The following KCNIP2 variants were observed in gnomAD, a reference collection of about 807,000 sequenced individuals.
The protein encoded by KCNIP2 is potassium voltage-gated channel interacting protein 2.
In KCNIP2, 19 loss-of-function variants were observed where a neutral mutation model predicts 39.0. The ratio of observed to expected loss-of-function variants is 0.49; its 90% CI spans 0.34 to 0.71. KCNIP2 has a LOEUF of 0.71. KCNIP2 is among the 30% of genes least tolerant of loss of function. KCNIP2 has a pLI of 0.01. For missense variants in KCNIP2, 261 were observed against 346.0 expected, an observed-to-expected ratio of 0.75 and a Z score of 1.95; for synonymous variants, 111 against 131.2, an observed-to-expected ratio of 0.85 and a Z score of 1.05.
At chr10:101,840,186 C>T (rs1213895291) in intron 1 of KCNIP2, among the ~76,000 whole-genome samples, 1 of 151,988 alleles carries the variant, frequency 6.6e-6, no homozygotes, top group Non-Finnish European at 1.5e-5. Flanking sequence ...GGGAATGAAC[C>T]GTATCTTTTA....
chr10:101,830,038 G>A (rs746326473), intron 2 of KCNIP2, 141 bp from the exon 3 acceptor site: 89 of 947,732 alleles, frequency 9.4e-5, no homozygotes, highest in Non-Finnish European at 1.4e-4. Flanking sequence ...ACACGAAACG[G>A]ACCCCATGCA....
Position 101,829,877 on chromosome 10 carries a change from G to T in KCNIP2, c.190C>A (p.Leu64Ile). Residue 64 changes from leucine to isoleucine, a missense_variant, in exon 3 of 10, where the codon CTC (leucine) becomes ATC (isoleucine). Leu to Ile is a conservative substitution (Grantham distance 5). Transcript: ENST00000356640. ...VSETLAAPASLRPHRPRLLDP... is the reference protein window; with the variant it reads ...VSETLAAPASIRPHRPRLLDP... ...AGCAGGCGGGGTCTGTGGGGGCGGA[G>T]GGAGGCTGGGGCGGCTAATGCTGAA... 6.6e-7 allele frequency: 1 copy of T among 1,510,368 alleles called. No homozygotes were observed. The highest frequency in any genetic ancestry group is 8.8e-7 in the Non-Finnish European group (1 of 1,133,200). The allele number at this position is 1,510,368 out of a possible 1,614,324, so 93.6% of individuals were successfully genotyped here.
intron 1 of KCNIP2, among the ~76,000 whole-genome samples, chr10:101,832,670 T>G (rs775251667): frequency 1.5e-4 from 23 of 152,252 alleles, no homozygotes; most frequent in Non-Finnish European, 3.1e-4. Flanking sequence ...GGCCCAGGGC[T>G]CCATTAGCCT....
Position 101,828,896 on chromosome 10 carries a change from A to G in KCNIP2, c.348+179T>C. The G allele has an allele frequency of 6.5e-7, 1 of 1,532,876 alleles. No homozygotes were observed. Among genetic ancestry groups the G allele is most frequent in the Non-Finnish European group, 8.8e-7 (1 of 1,137,480 alleles). 95.0% of individuals were successfully genotyped at this position (1,532,876 alleles called of 1,614,324 possible). On this transcript the variant is annotated intron_variant, in intron 4 of 9. Transcript: ENST00000356640. This position sits in a 1 kb window ranked among gnomAD's most constrained non-coding sequence, Gnocchi z 6.6. Reference sequence around the variant, plus strand: ...AAACATGGAACGAAACTGACAGTCTACAGGCGCCACTTCCGTTCTGGCCCC... The same window carrying G: ...AAACATGGAACGAAACTGACAGTCTGCAGGCGCCACTTCCGTTCTGGCCCC...
intron 1 of KCNIP2, among the ~76,000 whole-genome samples, chr10:101,834,871 C>T (rs11191126): frequency 1.3e-5 from 2 of 152,266 alleles, no homozygotes; most frequent in East Asian, 3.9e-4. Context: ...GTGTATATTC[C>T]TGTGTTTGTC....
chr10:101,838,860 G>C lies in KCNIP2; in HGVS notation c.73+4636C>G, dbSNP rs142970391. On this transcript the variant is annotated intron_variant, in intron 1 of 9. Coordinates refer to ENST00000356640, the MANE Select transcript of KCNIP2 (RefSeq NM_173191.3). The surrounding 1 kb of genome is among the most constrained non-coding windows in gnomAD (Gnocchi z 4.0). ...CCACAGGACCAGGTTGTTTTGGTCTGTTTGAGGTCAGGTACAGAGGAGACG... is the reference window on the plus strand; with the variant it reads ...CCACAGGACCAGGTTGTTTTGGTCTCTTTGAGGTCAGGTACAGAGGAGACG... 2.6e-5 allele frequency among the ~76,000 whole-genome samples: 4 copies of C among 152,324 alleles called. No individual in the cohort carries two copies. Among genetic ancestry groups the C allele is most frequent in the African/African-American group, 9.6e-5 (4 of 41,570 alleles).
In KCNIP2 at chr10:101,843,589, C is replaced by T; in HGVS notation, c.-21G>A. ...CGCATGGCCCCCGGCGCCCCGCTCC[C>T]GCCCGGGCCGTGGGAGGGGGCGCCG... On this transcript the variant is annotated 5_prime_UTR_variant, in exon 1 of 10. Coordinates refer to ENST00000356640, the MANE Select transcript of KCNIP2 (RefSeq NM_173191.3). This position sits in a 1 kb window ranked among gnomAD's most constrained non-coding sequence, Gnocchi z 6.7. 4.2e-6 allele frequency: 6 copies of T among 1,445,046 alleles called. No homozygotes were observed. The highest frequency in any genetic ancestry group is 4.6e-6 in the Non-Finnish European group (5 of 1,096,796). The allele number at this position is 1,445,046 out of a possible 1,614,324, so 89.5% of individuals were successfully genotyped here.
Position 101,843,622 on chromosome 10 carries a change from G to C in KCNIP2, c.-54C>G, listed in dbSNP as rs1230625649. 16 of 1,111,500 alleles carry C rather than the reference G, an allele frequency of 1.4e-5. No individual in the cohort carries two copies. Among genetic ancestry groups the C allele is most frequent in the Non-Finnish European group, 1.7e-5 (14 of 810,792 alleles). The allele number at this position is 1,111,500 out of a possible 1,614,324, so 68.9% of individuals were successfully genotyped here. ...CCGTGGGAGGGGGCGCCGGGTGGCC[G>C]GGATAGGGCGCTCACACGGCGCCCC... On this transcript the variant is annotated 5_prime_UTR_variant, in exon 1 of 10. Coordinates refer to ENST00000356640, the MANE Select transcript of KCNIP2 (RefSeq NM_173191.3). The surrounding 1 kb of genome is among the most constrained non-coding windows in gnomAD (Gnocchi z 6.7).
In KCNIP2 at chr10:101,839,827, G is replaced by A. The variant is rs371824240; in HGVS notation, c.73+3669C>T. 3.7e-5 allele frequency: 59 copies of A among 1,609,802 alleles called. 1 individual carries two copies. The African/African-American group carries it at 7.4e-4, about 20-fold the overall frequency. Reference sequence around the variant, plus strand: ...CCCCAGCGGGCTCCGGCACCTGCGGGGGCATCGGTTCATGGTTTGGCGGCG... The same window carrying A: ...CCCCAGCGGGCTCCGGCACCTGCGGAGGCATCGGTTCATGGTTTGGCGGCG... On this transcript the variant is annotated intron_variant, in intron 1 of 9. Coordinates refer to ENST00000356640, the MANE Select transcript of KCNIP2 (RefSeq NM_173191.3).
Position 101,828,482 on chromosome 10 carries a change from T to C in KCNIP2, c.419-23A>G, listed in dbSNP as rs764979702. 15 of 1,612,882 alleles carry C rather than the reference T, an allele frequency of 9.3e-6. No homozygotes were observed. Among genetic ancestry groups the C allele is most frequent in the Admixed American group, 6.7e-5 (4 of 59,896 alleles). On this transcript the variant is annotated intron_variant, in intron 5 of 9. Coordinates refer to ENST00000356640, the MANE Select transcript of KCNIP2 (RefSeq NM_173191.3). This position sits in a 1 kb window ranked among gnomAD's most constrained non-coding sequence, Gnocchi z 6.6. ...AGTCTGCAGGGTGAGTGTGGAGAAG[T>C]TGGCTTCCACACAGGAGAGGACTTC...
chr10:101,829,055 T>G lies in KCNIP2; in HGVS notation c.348+20A>C. The G allele has an allele frequency of 6.2e-7, 1 of 1,609,970 alleles. No homozygotes were observed. The highest frequency in any genetic ancestry group is 8.5e-7 in the Non-Finnish European group (1 of 1,177,366). ...CCTCCTGTCCCACCCTCGCTGAGTTTGGCCTCGCCTTGCACTCACGTTCTT... is the reference window on the plus strand; with the variant it reads ...CCTCCTGTCCCACCCTCGCTGAGTTGGGCCTCGCCTTGCACTCACGTTCTT... On this transcript the variant is annotated intron_variant, in intron 4 of 9. Coordinates refer to ENST00000356640, the MANE Select transcript of KCNIP2 (RefSeq NM_173191.3).
intron 1 of KCNIP2, among the ~76,000 whole-genome samples, chr10:101,841,954 A>G (rs150849281): frequency 0.028 from 4,332 of 152,352 alleles, 72 homozygotes; most frequent in Middle Eastern, 0.075. Context: ...TCCAGCTCTG[A>G]GGCACATCTG....
chr10:101,828,923 C>T lies in KCNIP2; in HGVS notation c.348+152G>A, dbSNP rs1356324822. On this transcript the variant is annotated intron_variant, in intron 4 of 9. Coordinates refer to ENST00000356640, the MANE Select transcript of KCNIP2 (RefSeq NM_173191.3). The surrounding 1 kb of genome is among the most constrained non-coding windows in gnomAD (Gnocchi z 6.6). ...AGGCGCCACTTCCGTTCTGGCCCCG[C>T]CCCAGAACCTCCAGCTAGAAGTTCA... The T allele has an allele frequency of 1.3e-6, 2 of 1,501,916 alleles. No individual in the cohort carries two copies. The highest frequency in any genetic ancestry group is 1.3e-5 in the South Asian group (1 of 78,934). The allele number at this position is 1,501,916 out of a possible 1,614,324, so 93.0% of individuals were successfully genotyped here.
At position 101,843,668 on chromosome 10, in the gene KCNIP2, CG is replaced by C; in HGVS notation, c.-101del. The C allele has an allele frequency of 1.7e-6, 1 of 603,208 alleles. No homozygotes were observed. 37.4% of individuals were successfully genotyped at this position (603,208 alleles called of 1,614,324 possible). On this transcript the variant is annotated 5_prime_UTR_variant, in exon 1 of 10. Transcript: ENST00000356640. The surrounding 1 kb of genome is among the most constrained non-coding windows in gnomAD (Gnocchi z 6.7). Reference sequence around the variant, plus strand: ...GCCCCCTGGCGGCCTACTGTGCTGTCGGGGCTGGGGAAGTCCGGGCTGAGGC... The same window carrying C: ...GCCCCCTGGCGGCCTACTGTGCTGTCGGGCTGGGGAAGTCCGGGCTGAGGC...
Position 101,839,894 on chromosome 10 carries a change from C to G in KCNIP2, c.73+3602G>C, listed in dbSNP as rs2066273647. ...TCCACCCCCAGGCCCCGGGGCGGTC[C>G]GGTCTCCGCCCTCACCCGGGTAGGC... On this transcript the variant is annotated intron_variant, in intron 1 of 9. Transcript: ENST00000356640. The G allele has an allele frequency of 2.6e-6, 4 of 1,514,612 alleles. No homozygotes were observed. In the Admixed American group the frequency reaches 6.4e-5, roughly 24 times the overall value. The allele number at this position is 1,514,612 out of a possible 1,614,324, so 93.8% of individuals were successfully genotyped here.
Position 101,843,569 on chromosome 10 carries a change from G to T in KCNIP2, c.-1C>A. On this transcript the variant is annotated 5_prime_UTR_variant, in exon 1 of 10. Transcript: ENST00000356640. This position sits in a 1 kb window ranked among gnomAD's most constrained non-coding sequence, Gnocchi z 6.7. ...TCTCCTTGCGGCCCTGGCCCCGCAT[G>T]GCCCCCGGCGCCCCGCTCCCGCCCG... The T allele has an allele frequency of 6.6e-7, 1 of 1,524,686 alleles. No individual in the cohort carries two copies. The highest frequency in any genetic ancestry group is 8.8e-7 in the Non-Finnish European group (1 of 1,135,990). The allele number at this position is 1,524,686 out of a possible 1,614,324, so 94.4% of individuals were successfully genotyped here.
At chr10:101,834,667 G>C (rs2066097261) in intron 1 of KCNIP2, among the ~76,000 whole-genome samples, 1 of 152,212 alleles carries the variant, frequency 6.6e-6, no homozygotes, top group Non-Finnish European at 1.5e-5. Context: ...ACCCGCCTCT[G>C]TCCCTGAGAA....
intron 1 of KCNIP2, chr10:101,839,923 C>T (rs1443980271): frequency 2.9e-6 from 4 of 1,382,122 alleles, no homozygotes; most frequent in East Asian, 2.6e-5. Flanking sequence ...GGTAGGCCCG[C>T]GTGGGCGGCG....
chr10:101,827,452 C>A (rs2065778786), intron 9 of KCNIP2, 52 bp from the exon 10 acceptor site: 1 of 1,561,878 alleles, frequency 6.4e-7, no homozygotes, highest in East Asian at 2.3e-5. Context: ...AGAGAAGGAG[C>A]TTATCAGAGA....
Sources: gnomAD v4.1 joint callset for allele counts (sites outside exome capture counted in the v4.1 genomes callset) on GRCh38, gnomAD v4.1.1 for gene constraint, Gnocchi (gnomAD v3.1) non-coding constraint, MANE v1.5 for transcripts, NCBI Gene and HGNC (gene_info 2026-07-23, HGNC 2026-07-21) for gene names.